CTNNA2: variants seen among roughly 807,000 people sequenced by gnomAD.
CTNNA2 encodes catenin alpha-2.
CTNNA2 carries 42 observed loss-of-function variants against 101.0 expected under a neutral mutation model. That is an observed-to-expected ratio of 0.42 (90% CI 0.32 to 0.54). The LOEUF (loss-of-function observed/expected upper bound fraction) is 0.54. CTNNA2 is among the 20% of genes least tolerant of loss of function. CTNNA2 has a pLI of 0.14. For synonymous variants in CTNNA2, 450 were observed against 456.4 expected, an observed-to-expected ratio of 0.99 and a Z score of 0.18; for missense variants, 871 against 1,223.1, an observed-to-expected ratio of 0.71 and a Z score of 4.29.
intron 2 of CTNNA2, among the ~76,000 whole-genome samples, chr2:79,294,948 T>C (rs977956161): frequency 2.6e-5 from 4 of 152,112 alleles, no homozygotes; most frequent in African/African-American, 9.7e-5. Context: ...ATACAATGTC[T>C]TGATGAACAG....
At chr2:79,849,232 A>G (rs2103891738) in intron 3 of CTNNA2, among the ~76,000 whole-genome samples, 1 of 152,174 alleles carries the variant, frequency 6.6e-6, no homozygotes, top group Middle Eastern at 3.4e-3. Context: ...AGACAAAGGG[A>G]CAGGCAGCCT....
rs191609597 is a variant in CTNNA2 at position 80,055,725 on chromosome 2, C to G, written c.1056+145928C>G. Among the ~76,000 whole-genome samples the G allele has an allele frequency of 4.6e-3, 702 of 152,196 alleles. 7 individuals carry two copies. Among genetic ancestry groups the G allele is most frequent in the African/African-American group, 0.016 (658 of 41,512 alleles). On this transcript the variant is annotated intron_variant, in intron 7 of 18. Transcript: ENST00000402739. ...AGTCTTAACCACTCATCAGCTTGGTCCTCTGCTCTCACCTGCATTTGAGTT... is the reference window on the plus strand; with the variant it reads ...AGTCTTAACCACTCATCAGCTTGGTGCTCTGCTCTCACCTGCATTTGAGTT...
chr2:80,115,449 T>C (rs113111185), intron 7 of CTNNA2, among the ~76,000 whole-genome samples: 3 of 152,322 alleles, frequency 2.0e-5, no homozygotes, highest in African/African-American at 7.2e-5. Context: ...CTTCTGAAGA[T>C]TGGGCTCTCA....
At chr2:80,457,108 G>A (rs532945740) in intron 9 of CTNNA2, among the ~76,000 whole-genome samples, 4 of 151,340 alleles carry the variant, frequency 2.6e-5, no homozygotes, top group African/African-American at 9.7e-5. Context: ...ACAGAGTCTC[G>A]CTCTGTCACC....
At chr2:79,271,569 C>T (rs955976995) in intron 2 of CTNNA2, among the ~76,000 whole-genome samples, 4 of 152,018 alleles carry the variant, frequency 2.6e-5, no homozygotes, top group Admixed American at 2.6e-4. Context: ...TGGAGACAGT[C>T]TTTTTGATCT....
intron 3 of CTNNA2, among the ~76,000 whole-genome samples, chr2:79,760,032 G>A (rs549032502): frequency 5.3e-5 from 8 of 152,096 alleles, no homozygotes; most frequent in Non-Finnish European, 1.2e-4. Flanking sequence ...ACAGTTTACG[G>A]AACTAGACAG....
chr2:79,789,581 A>G (rs1675114822), intron 3 of CTNNA2, among the ~76,000 whole-genome samples: 1 of 152,104 alleles, frequency 6.6e-6, no homozygotes, highest in Non-Finnish European at 1.5e-5. Flanking sequence ...TGAGGAAGCC[A>G]GGAATCATAA....
At chr2:79,962,767 A>G (rs1463094466) in intron 7 of CTNNA2, among the ~76,000 whole-genome samples, 1 of 152,146 alleles carries the variant, frequency 6.6e-6, no homozygotes, top group East Asian at 1.9e-4. Flanking sequence ...TGTTCTTGCA[A>G]TGAATTAATG....
intron 4 of CTNNA2, among the ~76,000 whole-genome samples, chr2:79,405,198 C>G (rs1480769062): frequency 6.6e-6 from 1 of 152,060 alleles, no homozygotes; most frequent in Non-Finnish European, 1.5e-5. Context: ...TCCCTCTTTC[C>G]TCCTGGCTCT....
At chr2:79,210,317 C>A (rs1239399129) in intron 2 of CTNNA2, among the ~76,000 whole-genome samples, 1 of 152,020 alleles carries the variant, frequency 6.6e-6, no homozygotes, top group Non-Finnish European at 1.5e-5. Context: ...AAACTAGACA[C>A]AGTTTATATG....
chr2:80,029,142 C>T (rs1695128071), intron 7 of CTNNA2, among the ~76,000 whole-genome samples: 1 of 152,168 alleles, frequency 6.6e-6, no homozygotes. Flanking sequence ...ATAATGGATA[C>T]TATGACTACT....
chr2:80,529,546 C>T (rs999344051), intron 9 of CTNNA2, among the ~76,000 whole-genome samples: 5 of 152,260 alleles, frequency 3.3e-5, no homozygotes, highest in African/African-American at 1.2e-4. Context: ...CTCTTTTGTT[C>T]TCTCCCTTTC....
At chr2:79,992,056 C>T (rs575927581) in intron 7 of CTNNA2, among the ~76,000 whole-genome samples, 2 of 152,176 alleles carry the variant, frequency 1.3e-5, no homozygotes, top group South Asian at 2.1e-4. Context: ...CTTTGTCAAA[C>T]AAGAAATATC....
chr2:79,551,662 G>A (rs1156390858), intron 1 of CTNNA2, among the ~76,000 whole-genome samples: 1 of 152,130 alleles, frequency 6.6e-6, no homozygotes, highest in Admixed American at 6.5e-5. Context: ...AAGAATAGAG[G>A]TTTAATTGAC....
intron 7 of CTNNA2, among the ~76,000 whole-genome samples, chr2:80,010,194 T>A (rs576019525): frequency 3.9e-5 from 6 of 152,174 alleles, no homozygotes; most frequent in Non-Finnish European, 8.8e-5. Context: ...TACAAAGCCA[T>A]GGAGTTCCCT....
intron 4 of CTNNA2, among the ~76,000 whole-genome samples, chr2:79,414,478 A>G (rs1204127932): frequency 1.3e-5 from 2 of 152,098 alleles, no homozygotes; most frequent in Non-Finnish European, 2.9e-5. Flanking sequence ...TATATCCCCC[A>G]TAAACATAAT....
At chr2:80,347,188 T>C (rs1196132183) in intron 7 of CTNNA2, among the ~76,000 whole-genome samples, 2 of 152,198 alleles carry the variant, frequency 1.3e-5, no homozygotes, top group Admixed American at 6.5e-5. Context: ...ACACCTTCAA[T>C]TGGAAATGGC....
At chr2:79,262,383 A>G (rs886616441) in intron 2 of CTNNA2, among the ~76,000 whole-genome samples, 4 of 152,216 alleles carry the variant, frequency 2.6e-5, no homozygotes, top group African/African-American at 9.6e-5. Context: ...TTCAAGTTAA[A>G]TAATATCAAT....
At chr2:79,974,044 C>A (rs1690670060) in intron 7 of CTNNA2, among the ~76,000 whole-genome samples, 1 of 152,068 alleles carries the variant, frequency 6.6e-6, no homozygotes, top group Non-Finnish European at 1.5e-5. Context: ...TGTTATCAGG[C>A]ATTCATGTAT....
Sources: gnomAD v4.1 joint callset for allele counts (sites outside exome capture counted in the v4.1 genomes callset) on GRCh38, gnomAD v4.1.1 for gene constraint, MANE v1.5 for transcripts, NCBI Gene and HGNC (gene_info 2026-07-23, HGNC 2026-07-21) for gene names.